Variants in TACR3 observed in about 807,000 individuals in gnomAD.
The protein encoded by TACR3 is tachykinin receptor 3.
Under a neutral mutation model 35.0 loss-of-function variants are expected in TACR3, and 34 were observed. The observed-to-expected ratio is 0.97, with a 90% confidence interval of 0.74 to 1.30. The LOEUF (loss-of-function observed/expected upper bound fraction) is 1.30. Ranked by LOEUF, TACR3 falls within the 50% of genes most tolerant of loss-of-function variation. The pLI, the probability that TACR3 is intolerant of heterozygous loss-of-function variation, is 0.00. For synonymous variants in TACR3, 233 were observed against 221.1 expected, an observed-to-expected ratio of 1.05 and a Z score of -0.48; for missense variants, 558 against 591.7, an observed-to-expected ratio of 0.94 and a Z score of 0.59.
At chr4:103,712,102 T>C (rs1265271522) in intron 1 of TACR3, among the ~76,000 whole-genome samples, 4 of 152,148 alleles carry the variant, frequency 2.6e-5, no homozygotes, top group African/African-American at 9.7e-5. Context: ...GCCATCCCCA[T>C]CAAGCTACCA....
Position 103,719,785 on chromosome 4 carries a change from AGATAAGACTG to A in TACR3, c.-120_-111del. The A allele has an allele frequency of 7.2e-7, 1 of 1,382,126 alleles. No individual in the cohort carries two copies. The highest frequency in any genetic ancestry group is 1.0e-6 in the Non-Finnish European group (1 of 1,003,726). The allele number at this position is 1,382,126 out of a possible 1,614,324, so 85.6% of individuals were successfully genotyped here. On this transcript the variant is annotated 5_prime_UTR_variant, in exon 1 of 5. Transcript: ENST00000304883. ...TGGTCACTTTGGTGCCGGAGTCTTC[AGATAAGACTG>A]GAAGCTGAAAGATACTGCAATCCCT...
chr4:103,603,999 C>T (rs766333427), intron 3 of TACR3, among the ~76,000 whole-genome samples: 1 of 152,186 alleles, frequency 6.6e-6, no homozygotes, highest in African/African-American at 2.4e-5. Flanking sequence ...CTATCCCCAT[C>T]AACTACCATT....
chr4:103,703,896 C>T (rs1319740213), intron 1 of TACR3, among the ~76,000 whole-genome samples: 1 of 151,728 alleles, frequency 6.6e-6, no homozygotes, highest in Admixed American at 6.6e-5. Flanking sequence ...GTCAGGAGAT[C>T]GAGACCATCC....
intron 3 of TACR3, among the ~76,000 whole-genome samples, chr4:103,602,408 C>G (rs2220039): frequency 2.0e-5 from 3 of 152,112 alleles, no homozygotes; most frequent in Admixed American, 1.3e-4. Context: ...CTCCATCCAG[C>G]TGTGTTCCGT....
rs1201004700 is a variant in TACR3, at chr4:103,588,085, A to G, written c.*1597T>C. 2.0e-5 allele frequency: 3 copies of G among 151,992 alleles called. No homozygotes were observed. Among genetic ancestry groups the G allele is most frequent in the Admixed American group, 1.3e-4 (2 of 15,216 alleles). The allele number at this position is 151,992 out of a possible 1,614,324, so 9.4% of individuals were successfully genotyped here. ...TTTAGACTCCGAACTTTTTGTAACA[A>G]TTGGATATTTCTGGTTTTGGCTTCA... On this transcript the variant is annotated 3_prime_UTR_variant, in exon 5 of 5. Coordinates refer to ENST00000304883, the MANE Select transcript of TACR3 (RefSeq NM_001059.3).
In TACR3 at chr4:103,587,375, A is replaced by T. The variant is rs189476347; in HGVS notation, c.*2307T>A. ...CAGTTTTTTTCTGGAAAGCATTGAA[A>T]AAATACTGTCTGGGTATTTCTGTCA... On this transcript the variant is annotated 3_prime_UTR_variant, in exon 5 of 5. Coordinates refer to ENST00000304883, the MANE Select transcript of TACR3 (RefSeq NM_001059.3). 6.6e-6 allele frequency: 1 copy of T among 152,234 alleles called. No homozygotes were observed. Among genetic ancestry groups the T allele is most frequent in the Admixed American group, 6.6e-5 (1 of 15,264 alleles). 9.4% of individuals were successfully genotyped at this position (152,234 alleles called of 1,614,324 possible).
At chr4:103,627,138 T>C (rs112527232) in intron 3 of TACR3, among the ~76,000 whole-genome samples, 15,963 of 124,344 alleles carry the variant, frequency 0.13, 934 homozygotes, top group Middle Eastern at 0.19. Context: ...GCCGAGATCA[T>C]GCCATTGCAT....
At chr4:103,595,985 G>A (rs1316019357) in intron 3 of TACR3, among the ~76,000 whole-genome samples, 1 of 148,060 alleles carries the variant, frequency 6.8e-6, no homozygotes, top group Non-Finnish European at 1.5e-5. Context: ...CCACCTATGA[G>A]TGAGAATATG....
At chr4:103,625,576 G>A (rs761366730) in intron 3 of TACR3, among the ~76,000 whole-genome samples, 1 of 151,680 alleles carries the variant, frequency 6.6e-6, no homozygotes, top group Non-Finnish European at 1.5e-5. Context: ...TGATATGGGA[G>A]TAGGGGGTGG....
At chr4:103,636,992 C>T (rs9968304) in intron 3 of TACR3, among the ~76,000 whole-genome samples, 66,928 of 151,844 alleles carry the variant, frequency 0.44, 17,889 homozygotes, top group African/African-American at 0.77. Context: ...GATTCACAGC[C>T]GAATTCTACC....
At chr4:103,614,978 T>G (rs1348638287) in intron 3 of TACR3, among the ~76,000 whole-genome samples, 1 of 136,306 alleles carries the variant, frequency 7.3e-6, no homozygotes, top group African/African-American at 2.8e-5. Context: ...CACTGCAAGC[T>G]CCGCCTCCCA....
chr4:103,638,931 C>T (rs1274397883), intron 3 of TACR3, among the ~76,000 whole-genome samples: 1 of 152,122 alleles, frequency 6.6e-6, no homozygotes. Context: ...ATTAAAAAGT[C>T]AGGAAACTAC....
In TACR3 at chr4:103,589,904, A is replaced by T. The variant is rs750417700; in HGVS notation, c.1176T>A (p.Phe392Leu). The T allele has an allele frequency of 6.2e-7, 1 of 1,613,870 alleles. No homozygotes were observed. Among genetic ancestry groups the T allele is most frequent in the African/African-American group, 1.3e-5 (1 of 74,920 alleles). ...YDELELKTTR[F>L]HPNRQSSMYT... Reference sequence around the variant, plus strand: ...ACATACTGCTTTGCCGGTTTGGATGAAACCTGGTGGTCTTGAGCTCTAGCT... The same window carrying T: ...ACATACTGCTTTGCCGGTTTGGATGTAACCTGGTGGTCTTGAGCTCTAGCT... The change falls in exon 5 of 5, where the codon TTT becomes TTA. Residue 392 changes from phenylalanine to leucine, a missense_variant. Transcript: ENST00000304883.
intron 3 of TACR3, among the ~76,000 whole-genome samples, chr4:103,613,073 A>G (rs1410812385): frequency 6.6e-6 from 1 of 152,142 alleles, no homozygotes; most frequent in African/African-American, 2.4e-5. Context: ...AATTAATAAT[A>G]TACGGATAGT....
At chr4:103,682,442 G>T (rs951736863) in intron 1 of TACR3, among the ~76,000 whole-genome samples, 32 of 152,142 alleles carry the variant, frequency 2.1e-4, no homozygotes, top group African/African-American at 6.5e-4. Context: ...AAGAGAGACT[G>T]AGCAAGAGTG....
At chr4:103,666,428 G>A (rs994871460) in intron 1 of TACR3, among the ~76,000 whole-genome samples, 7 of 151,992 alleles carry the variant, frequency 4.6e-5, no homozygotes, top group African/African-American at 1.4e-4. Context: ...AAAACAGGTG[G>A]TACTGAATGA....
At chr4:103,598,524 T>A (rs1724100029) in intron 3 of TACR3, among the ~76,000 whole-genome samples, 2 of 152,210 alleles carry the variant, frequency 1.3e-5, no homozygotes, top group South Asian at 2.1e-4. Flanking sequence ...ATGAAGTCCT[T>A]GCCCATGCCT....
intron 3 of TACR3, among the ~76,000 whole-genome samples, chr4:103,604,666 C>T (rs544731941): frequency 2.6e-5 from 4 of 151,954 alleles, no homozygotes; most frequent in Non-Finnish European, 5.9e-5. Flanking sequence ...TATCCAGAAT[C>T]TACAAAGAAT....
At chr4:103,628,818 T>C (rs970440346) in intron 3 of TACR3, among the ~76,000 whole-genome samples, 7 of 139,318 alleles carry the variant, frequency 5.0e-5, no homozygotes, top group African/African-American at 1.9e-4. Context: ...ATCATCCTGA[T>C]ACCAAAGCCT....
Sources: allele counts gnomAD v4.1 joint callset (sites outside exome capture counted in the v4.1 genomes callset), GRCh38; gene constraint gnomAD v4.1.1; transcripts MANE v1.5; gene names NCBI Gene and HGNC (gene_info 2026-07-23, HGNC 2026-07-21).